DAB1: variants seen among roughly 807,000 people sequenced by gnomAD.
The protein encoded by DAB1 is disabled homolog 1.
In DAB1, 15 loss-of-function variants were observed where a neutral mutation model predicts 64.6. That is an observed-to-expected ratio of 0.23 (90% CI 0.16 to 0.36). The LOEUF is 0.36. DAB1 is among the 10% of genes least tolerant of loss of function. DAB1 has a pLI of 1.00. For missense variants in DAB1, 596 were observed against 706.7 expected (o/e 0.84, Z 1.78); for synonymous variants, 235 against 251.9 (o/e 0.93, Z 0.64).
At chr1:57,392,358 C>T (rs756496998) in intron 1 of DAB1, among the ~76,000 whole-genome samples, 3 of 152,016 alleles carry the variant, frequency 2.0e-5, no homozygotes, top group African/African-American at 7.2e-5. Flanking sequence ...GGTGACAGAG[C>T]GAGACTGTCT....
intron 2 of DAB1, among the ~76,000 whole-genome samples, chr1:57,146,053 C>T (rs1208519212): frequency 1.3e-5 from 2 of 152,202 alleles, no homozygotes; most frequent in Non-Finnish European, 2.9e-5. Context: ...AACAGGCTCT[C>T]TCAATAATTA....
At chr1:57,921,678 G>C (rs1043942145) in intron 5 of DAB1, among the ~76,000 whole-genome samples, 5 of 151,662 alleles carry the variant, frequency 3.3e-5, no homozygotes, top group African/African-American at 9.7e-5. Context: ...ATCTCTCAGG[G>C]GAATCTCTCT....
At chr1:57,801,529 T>C (rs1651123460) in intron 6 of DAB1, among the ~76,000 whole-genome samples, 1 of 152,352 alleles carries the variant, frequency 6.6e-6, no homozygotes, top group South Asian at 2.1e-4. Flanking sequence ...AATAAAATTA[T>C]ACTTGGTTAT....
chr1:57,772,948 T>C (rs992853506), intron 6 of DAB1, among the ~76,000 whole-genome samples: 1 of 152,072 alleles, frequency 6.6e-6, no homozygotes, highest in South Asian at 2.1e-4. Flanking sequence ...GGTAGTTAAC[T>C]ACAGGCACAC....
intron 9 of DAB1, among the ~76,000 whole-genome samples, chr1:57,042,550 T>G (rs1647923495): frequency 6.6e-6 from 1 of 152,164 alleles, no homozygotes; most frequent in Non-Finnish European, 1.5e-5. Flanking sequence ...TTTTCTACTA[T>G]AGCCTATGGC....
At chr1:57,854,513 C>T (rs373018095) in intron 1 of DAB1, among the ~76,000 whole-genome samples, 5 of 152,208 alleles carry the variant, frequency 3.3e-5, no homozygotes, top group South Asian at 2.1e-4. Flanking sequence ...TGAGGAAGAT[C>T]GTTTACAGAT....
At chr1:57,894,389 T>C (rs537163510) in intron 5 of DAB1, among the ~76,000 whole-genome samples, 1 of 152,204 alleles carries the variant, frequency 6.6e-6, no homozygotes, top group African/African-American at 2.4e-5. Flanking sequence ...ATGTGCTCAT[T>C]TTAGGTAGGG....
intron 5 of DAB1, among the ~76,000 whole-genome samples, chr1:57,983,855 A>C (rs1020265085): frequency 2.0e-5 from 3 of 152,198 alleles, no homozygotes; most frequent in Admixed American, 2.0e-4. Flanking sequence ...ATCTACAGTG[A>C]GCCCGAAATG....
At chr1:57,608,872 C>T (rs72908566) in intron 7 of DAB1, among the ~76,000 whole-genome samples, 2,188 of 152,274 alleles carry the variant, frequency 0.014, 56 homozygotes, top group African/African-American at 0.05. Flanking sequence ...CACTCTGCCT[C>T]GGTTTCCTTA....
Position 57,474,246 on chromosome 1 carries a change from A to G in DAB1, n.625+175346T>C, listed in dbSNP as rs534292012. Among the ~76,000 whole-genome samples the G allele has an allele frequency of 3.9e-5, 6 of 152,330 alleles. No individual in the cohort carries two copies. In the South Asian group the frequency reaches 1.2e-3, roughly 32 times the overall value. On this transcript the variant is annotated intron_variant and non_coding_transcript_variant, in intron 7 of 20. Coordinates refer to the DAB1 transcript ENST00000485760. ...ATAGTAAGGCTATTGTAAATACATA[A>G]TCAGATTAAGCAAGAGCCTGATACT... is the stretch of plus-strand genomic sequence containing the variant.
At chr1:58,099,254 C>G (rs1651170987) in intron 5 of DAB1, among the ~76,000 whole-genome samples, 1 of 152,146 alleles carries the variant, frequency 6.6e-6, no homozygotes, top group South Asian at 2.1e-4. Flanking sequence ...GTACTTCTGG[C>G]CACATCTCTC....
intron 7 of DAB1, 106 bp from the exon 8 acceptor site, chr1:57,069,531 A>C: frequency 1.1e-6 from 1 of 878,612 alleles, no homozygotes; most frequent in Admixed American, 2.0e-5. Flanking sequence ...TTAACGAAGC[A>C]GGCACAAGAG....
At chr1:57,745,963 G>T (rs1459552422) in intron 6 of DAB1, among the ~76,000 whole-genome samples, 2 of 152,088 alleles carry the variant, frequency 1.3e-5, no homozygotes, top group Admixed American at 6.5e-5. Flanking sequence ...GTATTATACT[G>T]TACATACACT....
In DAB1 at chr1:57,538,845, C is replaced by T. The variant is rs536198420; in HGVS notation, n.625+110747G>A. Among the ~76,000 whole-genome samples, 21 of 152,204 alleles carry T rather than the reference C, an allele frequency of 1.4e-4. No individual in the cohort carries two copies. The South Asian group carries it at 4.2e-3, about 30-fold the overall frequency. Reference sequence around the variant, plus strand: ...TTAAGACAATGAGATTCTTTTGAGCCCACTCACCCCCCCTACAACTCTCCA... The same window carrying T: ...TTAAGACAATGAGATTCTTTTGAGCTCACTCACCCCCCCTACAACTCTCCA... On this transcript the variant is annotated intron_variant and non_coding_transcript_variant, in intron 7 of 20. Coordinates refer to the DAB1 transcript ENST00000485760.
chr1:57,539,350 G>T (rs1644768079), intron 7 of DAB1, among the ~76,000 whole-genome samples: 1 of 152,132 alleles, frequency 6.6e-6, no homozygotes, highest in Non-Finnish European at 1.5e-5. Flanking sequence ...TGAAGTACGG[G>T]ATTCAATTGT....
chr1:57,590,707 G>A (rs1345104044), intron 7 of DAB1, among the ~76,000 whole-genome samples: 2 of 149,840 alleles, frequency 1.3e-5, no homozygotes, highest in African/African-American at 2.5e-5. Context: ...AGGAATTTGA[G>A]GGTGGGAAGG....
chr1:58,534,340 T>C (rs1470765965), intron 1 of DAB1: 3 of 832,726 alleles, frequency 3.6e-6, no homozygotes, highest in African/African-American at 1.7e-5. Flanking sequence ...CACTGAAAGA[T>C]TAAAAATTAC....
chr1:57,918,649 C>T (rs138751715), intron 5 of DAB1, among the ~76,000 whole-genome samples: 16,655 of 152,032 alleles, frequency 0.11, 994 homozygotes, highest in Middle Eastern at 0.23. Context: ...ACAGTGAAAC[C>T]CCGTCTCTAC....
chr1:58,050,062 G>A (rs899368426), intron 5 of DAB1, among the ~76,000 whole-genome samples: 6 of 152,324 alleles, frequency 3.9e-5, no homozygotes, highest in Admixed American at 1.3e-4. Flanking sequence ...ATAGAGGATT[G>A]TATGGAGAAG....
Sources: allele counts gnomAD v4.1 joint callset (sites outside exome capture counted in the v4.1 genomes callset), GRCh38; gene constraint gnomAD v4.1.1; transcripts MANE v1.5; gene names NCBI Gene and HGNC (gene_info 2026-07-23, HGNC 2026-07-21).